NAV2: variants seen among roughly 807,000 people sequenced by gnomAD.
NAV2 encodes helicase, APC down-regulated 1.
NAV2 carries 54 observed loss-of-function variants against 223.2 expected under a neutral mutation model. That is an observed-to-expected ratio of 0.24 (90% CI 0.19 to 0.30). The LOEUF (loss-of-function observed/expected upper bound fraction) is 0.30. NAV2 is among the 10% of genes least tolerant of loss of function. The pLI, the probability that NAV2 is intolerant of heterozygous loss-of-function variation, is 1.00. For synonymous variants in NAV2, 1,279 were observed against 1,239.3 expected (o/e 1.03, Z -0.67); for missense variants, 2,806 against 3,147.5 (o/e 0.89, Z 2.60).
At chr11:19,999,432 A>G (rs2052322475) in intron 11 of NAV2, among the ~76,000 whole-genome samples, 1 of 152,208 alleles carries the variant, frequency 6.6e-6, no homozygotes, top group Admixed American at 6.5e-5. Context: ...ACAATGGCGC[A>G]ATCTCAGCTC....
At chr11:20,011,230 G>T (rs1334060611) in intron 11 of NAV2, among the ~76,000 whole-genome samples, 2 of 151,970 alleles carry the variant, frequency 1.3e-5, no homozygotes, top group Non-Finnish European at 2.9e-5. Flanking sequence ...AAAAGATTGG[G>T]ATTTAAAAAT....
intron 6 of NAV2, among the ~76,000 whole-genome samples, chr11:19,902,868 G>A (rs1300768660): frequency 6.6e-6 from 1 of 152,130 alleles, no homozygotes; most frequent in East Asian, 1.9e-4. Flanking sequence ...CATATATTTT[G>A]GGATAAATGA....
chr11:19,404,794 G>GATTA (rs1849825634), intron 1 of NAV2, among the ~76,000 whole-genome samples: 3 of 152,144 alleles, frequency 2.0e-5, no homozygotes, highest in Non-Finnish European at 2.9e-5. Flanking sequence ...TCCTTCCAAT[G>GATTA]AATTCATGAT....
intron 1 of NAV2, among the ~76,000 whole-genome samples, chr11:19,554,336 T>G (rs770368924): frequency 6.6e-6 from 1 of 152,238 alleles, no homozygotes; most frequent in Non-Finnish European, 1.5e-5. Flanking sequence ...TTGGGCTGTC[T>G]GATGCCAATG....
intron 1 of NAV2, among the ~76,000 whole-genome samples, chr11:19,598,706 A>C (rs1345597190): frequency 6.6e-6 from 1 of 152,216 alleles, no homozygotes; most frequent in Admixed American, 6.5e-5. Flanking sequence ...CATATGTGGC[A>C]GAGCTAGGGA....
At chr11:19,391,566 G>T (rs1245736904) in intron 1 of NAV2, among the ~76,000 whole-genome samples, 1 of 152,168 alleles carries the variant, frequency 6.6e-6, no homozygotes, top group Non-Finnish European at 1.5e-5. Context: ...CACTGTTAAT[G>T]TGTCCCTGTA....
rs146101928 is a variant in NAV2, at chr11:19,811,102, C to T, written c.268-21382C>T. Among the ~76,000 whole-genome samples, 143 of 152,312 alleles carry T rather than the reference C, an allele frequency of 9.4e-4. 3 individuals are homozygous for T. Among genetic ancestry groups the T allele is most frequent in the Admixed American group, 6.5e-3 (100 of 15,294 alleles). ...GAAGAGAAAAATGTGTGTGATTTAT[C>T]GAACTCTTCCTACATGCTAAACGGC... On this transcript the variant is annotated intron_variant, in intron 1 of 37. Coordinates refer to ENST00000349880, the MANE Select transcript of NAV2 (RefSeq NM_145117.5).
At chr11:19,957,253 A>C (rs2047956751) in intron 10 of NAV2, among the ~76,000 whole-genome samples, 1 of 152,176 alleles carries the variant, frequency 6.6e-6, no homozygotes, top group Non-Finnish European at 1.5e-5. Context: ...TGCTTCCCTC[A>C]GTGTCTACTT....
chr11:19,379,154 A>T (rs577984644), intron 1 of NAV2, among the ~76,000 whole-genome samples: 3 of 152,270 alleles, frequency 2.0e-5, no homozygotes, highest in African/African-American at 7.2e-5. Flanking sequence ...TTGGCTCCAT[A>T]GATCCACGGG....
intron 1 of NAV2, among the ~76,000 whole-genome samples, chr11:19,423,964 C>T (rs1267378511): frequency 6.6e-6 from 1 of 152,132 alleles, no homozygotes; most frequent in African/African-American, 2.4e-5. Flanking sequence ...GCCCACTCCC[C>T]AAAGATGACA....
At chr11:19,902,346 G>A (rs977549758) in intron 6 of NAV2, among the ~76,000 whole-genome samples, 2 of 152,120 alleles carry the variant, frequency 1.3e-5, no homozygotes, top group Non-Finnish European at 2.9e-5. Flanking sequence ...CTTTAATGCT[G>A]AAGCCATCCT....
chr11:19,831,293 T>C (rs2059929231), intron 1 of NAV2, among the ~76,000 whole-genome samples: 1 of 142,830 alleles, frequency 7.0e-6, no homozygotes, highest in Non-Finnish European at 1.5e-5. Context: ...GGGAAAGGCA[T>C]TTGGAAGAAC....
Position 20,045,246 on chromosome 11 carries a change from A to G in NAV2, c.3478A>G (p.Ser1160Gly), listed in dbSNP as rs751253609. The change falls in exon 14 of 38, where the codon AGT (serine) becomes GGT (glycine). Residue 1160 changes from serine to glycine, a missense_variant. Transcript: ENST00000349880. ...GKIPKSSALV[S>G]RSAGRKSSMD... ...AATCCCAAAGTCATCTGCACTCGTCAGTCGGTCTGCTGGTCGGAAGTCAAG... is the reference window on the plus strand; with the variant it reads ...AATCCCAAAGTCATCTGCACTCGTCGGTCGGTCTGCTGGTCGGAAGTCAAG... 1.2e-6 allele frequency: 2 copies of G among 1,614,198 alleles called. No homozygotes were observed. Among genetic ancestry groups the G allele is most frequent in the African/African-American group, 2.7e-5 (2 of 75,066 alleles).
At position 19,968,860 on chromosome 11, in the gene NAV2, C is replaced by T. The variant is rs909102600; in HGVS notation, c.2646-15265C>T. Among the ~76,000 whole-genome samples, 17 of 152,106 alleles carry T rather than the reference C, an allele frequency of 1.1e-4. 1 individual carries two copies. In the South Asian group the frequency reaches 2.7e-3, roughly 24 times the overall value. On this transcript the variant is annotated intron_variant, in intron 10 of 37. Transcript: ENST00000349880. ...TTCGGCGACTTCTCAGCCTGTCTTT[C>T]CCCCCAGAGTGCTCCGACTGCTGCT... is the stretch of plus-strand genomic sequence containing the variant.
At chr11:19,956,396 GCTCTCT>G in intron 10 of NAV2, among the ~76,000 whole-genome samples, 1 of 148,952 alleles carries the variant, frequency 6.7e-6, no homozygotes, top group South Asian at 2.2e-4. Context: ...ACACACACAC[GCTCTCT>G]CTCTCTCTCT....
At chr11:20,081,125 A>G (rs549068555) in intron 25 of NAV2, among the ~76,000 whole-genome samples, 1 of 152,304 alleles carries the variant, frequency 6.6e-6, no homozygotes. Context: ...GGCGAGGTCT[A>G]GTGATACAGA....
At chr11:19,350,949 G>A (rs754179467) in exon 1 of NAV2, 4 of 1,551,654 alleles carry the variant, frequency 2.6e-6, no homozygotes, top group Non-Finnish European at 3.5e-6. Flanking sequence ...TTTATTTCTG[G>A]GAAATGGAAT....
intron 1 of NAV2, among the ~76,000 whole-genome samples, chr11:19,629,919 C>T (rs1292165850): frequency 2.0e-5 from 3 of 152,170 alleles, no homozygotes; most frequent in Non-Finnish European, 2.9e-5. Flanking sequence ...TCCCAAATGA[C>T]TCTCTCACTA....
intron 1 of NAV2, among the ~76,000 whole-genome samples, chr11:19,722,898 G>T (rs2050877782): frequency 6.6e-6 from 1 of 152,206 alleles, no homozygotes; most frequent in Admixed American, 6.5e-5. Flanking sequence ...AGGGAAACTT[G>T]CCTGGTCTGG....
Sources: allele counts gnomAD v4.1 joint callset (sites outside exome capture counted in the v4.1 genomes callset), GRCh38; gene constraint gnomAD v4.1.1; transcripts MANE v1.5; gene names NCBI Gene and HGNC (gene_info 2026-07-23, HGNC 2026-07-21).